ATP10A: variants seen among roughly 807,000 people sequenced by gnomAD.
ATP10A encodes the protein ATPase phospholipid transporting 10A (putative).
A neutral mutation model predicts 147.8 loss-of-function variants in ATP10A; 111 were observed. The observed-to-expected ratio is 0.75, with a 90% CI of 0.64 to 0.88. ATP10A has a LOEUF of 0.88. Among genes scored for constraint, ATP10A ranks in the 40% least tolerant of loss-of-function variants. The pLI is 0.00. For missense variants in ATP10A, 1,927 were observed against 1,959.0 expected, an observed-to-expected ratio of 0.98 and a Z score of 0.31; for synonymous variants, 875 against 841.6, an observed-to-expected ratio of 1.04 and a Z score of -0.69.
intron 1 of ATP10A, among the ~76,000 whole-genome samples, chr15:25,823,444 A>G (rs1408152107): frequency 6.6e-6 from 1 of 152,220 alleles, no homozygotes; most frequent in East Asian, 1.9e-4. Flanking sequence ...TTCAAATAAC[A>G]ACTGAAAACT....
intron 2 of ATP10A, among the ~76,000 whole-genome samples, chr15:25,738,111 T>C (rs1887389053): frequency 6.7e-6 from 1 of 149,674 alleles, no homozygotes; most frequent in Non-Finnish European, 1.5e-5. Flanking sequence ...AAAATCCTGT[T>C]TACATTGCTT....
At chr15:25,718,673 AC>A (rs1481961258) in intron 7 of ATP10A, among the ~76,000 whole-genome samples, 2 of 152,114 alleles carry the variant, frequency 1.3e-5, no homozygotes, top group African/African-American at 4.8e-5. Flanking sequence ...GGGAAGGGGA[AC>A]GGGTTGACGT....
chr15:25,718,499 G>A, intron 7 of ATP10A, 100 bp from the exon 8 acceptor site: 1 of 1,252,308 alleles, frequency 8.0e-7, no homozygotes, highest in Non-Finnish European at 1.1e-6. Context: ...GCTTCCGGCA[G>A]GGCAGCCCCA....
chr15:25,805,503 T>C (rs1413531782), intron 1 of ATP10A, among the ~76,000 whole-genome samples: 1 of 152,244 alleles, frequency 6.6e-6, no homozygotes, highest in Non-Finnish European at 1.5e-5. Flanking sequence ...ATGAATTGGC[T>C]ACTTATATAT....
intron 1 of ATP10A, among the ~76,000 whole-genome samples, chr15:25,782,909 C>G (rs1408559092): frequency 6.6e-6 from 1 of 152,050 alleles, no homozygotes; most frequent in Non-Finnish European, 1.5e-5. Flanking sequence ...ATGGCTCACA[C>G]CTGTAATCCC....
rs1462527580 is a variant in ATP10A, at chr15:25,809,290, GC to G, written c.450-28068del. Among the ~76,000 whole-genome samples the G allele has an allele frequency of 2.0e-5, 3 of 152,138 alleles. No individual in the cohort carries two copies. The East Asian group carries it at 5.8e-4, about 29-fold the overall frequency. ...GATGGGAGAGAGGAGCATACGTCGG[GC>G]GGGGTGAGACATGACCCAGGCATGC... On this transcript the variant is annotated intron_variant, in intron 1 of 20. Transcript: ENST00000555815.
At chr15:25,739,307 A>T (rs1422607263) in intron 2 of ATP10A, among the ~76,000 whole-genome samples, 1 of 152,210 alleles carries the variant, frequency 6.6e-6, no homozygotes, top group Non-Finnish European at 1.5e-5. Context: ...TCAGCTCAAC[A>T]TACCTTAATC....
At chr15:25,828,781 A>C (rs1892226380) in intron 1 of ATP10A, among the ~76,000 whole-genome samples, 1 of 152,230 alleles carries the variant, frequency 6.6e-6, no homozygotes, top group African/African-American at 2.4e-5. Flanking sequence ...GAACCATGAT[A>C]TCTAATTATT....
At position 25,687,756 on chromosome 15, in the gene ATP10A, A is replaced by T; in HGVS notation, c.3238T>A (p.Trp1080Arg). The T allele has an allele frequency of 6.2e-7, 1 of 1,613,324 alleles. No homozygotes were observed. Among genetic ancestry groups the T allele is most frequent in the Non-Finnish European group, 8.5e-7 (1 of 1,179,380 alleles). ...ATGTTGGCAAGTCGGGAGTAGCACCAATGCCCGTGAAGAATCAAGAGCCTC... is the reference window on the plus strand; with the variant it reads ...ATGTTGGCAAGTCGGGAGTAGCACCTATGCCCGTGAAGAATCAAGAGCCTC... ...LERLLILHGHWCYSRLANMVL... is the reference protein window; with the variant it reads ...LERLLILHGHRCYSRLANMVL... Residue 1080 changes from tryptophan to arginine, a missense_variant, in exon 16 of 21, where the codon TGG becomes AGG. Trp to Arg is a moderately radical substitution (Grantham distance 101, BLOSUM62 -3). Transcript: ENST00000555815.
chr15:25,711,129 A>G (rs1458074258), intron 10 of ATP10A, among the ~76,000 whole-genome samples: 1 of 152,086 alleles, frequency 6.6e-6, no homozygotes, highest in Non-Finnish European at 1.5e-5. Flanking sequence ...TTGTTGCCTG[A>G]CACCACACCT....
chr15:25,707,035 C>T (rs1901069919), intron 12 of ATP10A, among the ~76,000 whole-genome samples: 1 of 152,208 alleles, frequency 6.6e-6, no homozygotes, highest in Non-Finnish European at 1.5e-5. Context: ...ACTCATGGTG[C>T]CACTGGGCCC....
At chr15:25,824,936 G>T (rs1296804605) in intron 1 of ATP10A, among the ~76,000 whole-genome samples, 1 of 152,114 alleles carries the variant, frequency 6.6e-6, no homozygotes, top group Admixed American at 6.5e-5. Context: ...TAAGGCAGGA[G>T]GTTCGCTTAA....
At chr15:25,800,588 C>T (rs1051087256) in intron 1 of ATP10A, among the ~76,000 whole-genome samples, 7 of 152,166 alleles carry the variant, frequency 4.6e-5, no homozygotes, top group African/African-American at 1.2e-4. Flanking sequence ...TGCACCTTCC[C>T]GGAAGAAGCT....
At chr15:25,680,753 T>A in intron 19 of ATP10A, 57 bp downstream of exon 19, 1 of 1,489,324 alleles carries the variant, frequency 6.7e-7, no homozygotes, top group Non-Finnish European at 9.4e-7. Context: ...TGCAGGGAAG[T>A]GTGGGGTCCA....
chr15:25,731,289 C>A (rs1046179653), intron 3 of ATP10A, among the ~76,000 whole-genome samples: 2 of 152,128 alleles, frequency 1.3e-5, no homozygotes, highest in Admixed American at 6.5e-5. Flanking sequence ...AAAAACTATC[C>A]TACAAGACAA....
At chr15:25,856,762 GACAACA>G (rs759934046) in intron 1 of ATP10A, among the ~76,000 whole-genome samples, 3 of 151,750 alleles carry the variant, frequency 2.0e-5, no homozygotes, top group African/African-American at 4.8e-5. Flanking sequence ...CCAAAACAAC[GACAACA>G]ACAACAACAA....
rs148414843 is a variant in ATP10A, at chr15:25,861,258, C to T, written c.449+1390G>A. Among the ~76,000 whole-genome samples the T allele has an allele frequency of 5.9e-5, 9 of 152,296 alleles. No individual in the cohort carries two copies. The East Asian group carries it at 1.2e-3, about 20-fold the overall frequency. The stretch of plus-strand genomic sequence containing the variant: ...CTGCTGAGTGAGACACTTTGGAAAA[C>T]TGTAATTTTAACAAGCGCCTTCAGT... On this transcript the variant is annotated intron_variant, in intron 1 of 20. Coordinates refer to ENST00000555815, the MANE Select transcript of ATP10A (RefSeq NM_024490.4).
rs778885111 is a variant in ATP10A, at chr15:25,679,313, T to C, written c.*28A>G. 1.1e-4 allele frequency: 148 copies of C among 1,328,786 alleles called. No homozygotes were observed. In the East Asian group the frequency reaches 3.8e-3, roughly 34 times the overall value. 82.3% of individuals were successfully genotyped at this position (1,328,786 alleles called of 1,614,324 possible). A position where few individuals can be genotyped will look rare whatever the true frequency, so the allele number is the denominator to read the frequency against. On this transcript the variant is annotated 3_prime_UTR_variant, in exon 21 of 21. Coordinates refer to ENST00000555815, the MANE Select transcript of ATP10A (RefSeq NM_024490.4). ...TAAATAATATTAACATTTATTTATATATATTAAAAAAGGCCATTTCAAGGT... is the reference window on the plus strand; with the variant it reads ...TAAATAATATTAACATTTATTTATACATATTAAAAAAGGCCATTTCAAGGT...
At chr15:25,825,585 A>G (rs1273761247) in intron 1 of ATP10A, among the ~76,000 whole-genome samples, 1 of 152,224 alleles carries the variant, frequency 6.6e-6, no homozygotes, top group Non-Finnish European at 1.5e-5. Context: ...GACTCTGTCC[A>G]TCATTATTTG....
Sources: allele counts gnomAD v4.1 joint callset (sites outside exome capture counted in the v4.1 genomes callset), GRCh38; gene constraint gnomAD v4.1.1; transcripts MANE v1.5; gene names NCBI Gene and HGNC (gene_info 2026-07-23, HGNC 2026-07-21).